The following NRDE2 variants were observed in gnomAD, a reference collection of about 807,000 sequenced individuals.
NRDE2 encodes the protein NRDE-2, necessary for RNA interference, domain containing, also known as nuclear exosome regulator NRDE2.
A neutral mutation model predicts 124.2 loss-of-function variants in NRDE2; 76 were observed. That is an observed-to-expected ratio of 0.61 (90% CI 0.51 to 0.74). NRDE2 has a LOEUF of 0.74. Ranked by LOEUF, NRDE2 falls within the 30% of genes least tolerant of loss-of-function variation. NRDE2 has a pLI of 0.00. For missense variants in NRDE2, 1,314 were observed against 1,417.3 expected (o/e 0.93, Z 1.17); for synonymous variants, 489 against 528.1 (o/e 0.93, Z 1.01).
chr14:90,322,871 T>C (rs1453329736), intron 1 of NRDE2, among the ~76,000 whole-genome samples: 2 of 152,212 alleles, frequency 1.3e-5, no homozygotes, highest in African/African-American at 2.4e-5. Context: ...ATAATTTACA[T>C]ACTTGATAGA....
At chr14:90,296,866 C>G (rs1380590961) in intron 8 of NRDE2, among the ~76,000 whole-genome samples, 1 of 152,004 alleles carries the variant, frequency 6.6e-6, no homozygotes, top group Admixed American at 6.5e-5. Context: ...GGGCTGGGTG[C>G]GGTGGCTCAC....
rs1595083414 is a variant in NRDE2, at chr14:90,331,908, C to T, written c.-4G>A. On this transcript the variant is annotated 5_prime_UTR_variant, in exon 1 of 14. Coordinates refer to ENST00000354366, the MANE Select transcript of NRDE2 (RefSeq NM_017970.4). ...CAAAGGCTGGGAACAGCGCCATGAC[C>T]ACAGGCCGTACCTCCGTTCTTCTCT... 2 of 1,614,106 alleles carry T rather than the reference C, an allele frequency of 1.2e-6. No individual in the cohort carries two copies. The highest frequency in any genetic ancestry group is 1.3e-5 in the African/African-American group (1 of 75,054).
chr14:90,303,777 A>G (rs1348245962), intron 5 of NRDE2, among the ~76,000 whole-genome samples, 158 bp downstream of exon 5: 2 of 152,180 alleles, frequency 1.3e-5, no homozygotes, highest in African/African-American at 2.4e-5. Context: ...TCCTCATTGG[A>G]CTTTGAGCGA....
In NRDE2 at chr14:90,271,723, C is replaced by T. The variant is rs1891668877; in HGVS notation, c.*6613G>A. The T allele has an allele frequency of 6.6e-6, 1 of 152,140 alleles. No individual in the cohort carries two copies. Among genetic ancestry groups the T allele is most frequent in the Non-Finnish European group, 1.5e-5 (1 of 68,036 alleles). 9.4% of individuals were successfully genotyped at this position (152,140 alleles called of 1,614,324 possible). On this transcript the variant is annotated 3_prime_UTR_variant, in exon 14 of 14. Transcript: ENST00000354366. ...TTAGAACCTGAGCCAAAACTAGAACCCACAGCCCTGACCCTTGGGTCAGTC... is the reference window on the plus strand; with the variant it reads ...TTAGAACCTGAGCCAAAACTAGAACTCACAGCCCTGACCCTTGGGTCAGTC...
rs1892192591 is a variant in NRDE2 at position 90,288,922 on chromosome 14, G to C, written c.2453C>G (p.Ser818Cys). Residue 818 changes from serine to cysteine, a missense_variant, in exon 11 of 14, where the codon TCT becomes TGT. Physicochemically the swap from Ser to Cys is moderately radical, Grantham distance 112. Transcript: ENST00000354366. ...GAGCAGACTGAGCTCACAGAGGTCA[G>C]AGTCTTTCAGTTCTCTGCTTCCTGC... ...GMAGSRELKD[S>C]DLCELSLLYA... 1 of 1,613,372 alleles carries C rather than the reference G, an allele frequency of 6.2e-7. No homozygotes were observed.
intron 4 of NRDE2, among the ~76,000 whole-genome samples, chr14:90,308,060 A>G (rs926744135): frequency 1.3e-5 from 2 of 152,204 alleles, no homozygotes; most frequent in African/African-American, 4.8e-5. Context: ...AAATGTTTAC[A>G]TAAGTCCTTA....
chr14:90,319,956 AT>A (rs1885184613), intron 1 of NRDE2, among the ~76,000 whole-genome samples: 1 of 152,198 alleles, frequency 6.6e-6, no homozygotes, highest in Non-Finnish European at 1.5e-5. Flanking sequence ...ATGTATAAGA[AT>A]TCCAGTTTCT....
rs987620572 is a variant in NRDE2 at position 90,275,188 on chromosome 14, C to T, written c.*3148G>A. 1 of 152,154 alleles carries T rather than the reference C, an allele frequency of 6.6e-6. No individual in the cohort carries two copies. Among genetic ancestry groups the T allele is most frequent in the South Asian group, 2.1e-4 (1 of 4,824 alleles). The allele number at this position is 152,154 out of a possible 1,614,324, so 9.4% of individuals were successfully genotyped here. ...CAAAAAGCTTCCAATCAGAAGGAGA[C>T]CAAAGAGATGACAACCAAGTGCAGC... On this transcript the variant is annotated 3_prime_UTR_variant, in exon 14 of 14. Coordinates refer to ENST00000354366, the MANE Select transcript of NRDE2 (RefSeq NM_017970.4).
chr14:90,268,607 G>C lies in NRDE2; in HGVS notation c.*9729C>G. 1 of 585,102 alleles carries C rather than the reference G, an allele frequency of 1.7e-6. No individual in the cohort carries two copies. The highest frequency in any genetic ancestry group is 2.2e-5 in the South Asian group (1 of 45,792). The allele number at this position is 585,102 out of a possible 1,614,324, so 36.2% of individuals were successfully genotyped here. On this transcript the variant is annotated 3_prime_UTR_variant, in exon 14 of 14. Transcript: ENST00000354366. ...CCCAGTAACTGTGAACGTCTGGAGA[G>C]ATTGGTCAGTTATGAATAACCATGT...
intron 12 of NRDE2, among the ~76,000 whole-genome samples, chr14:90,282,258 C>T (rs1891972598): frequency 6.6e-6 from 1 of 152,058 alleles, no homozygotes; most frequent in African/African-American, 2.4e-5. Context: ...GAATGGACTG[C>T]TTGAGCCCAG....
At chr14:90,321,742 A>T (rs1885251638) in intron 1 of NRDE2, among the ~76,000 whole-genome samples, 1 of 152,142 alleles carries the variant, frequency 6.6e-6, no homozygotes, top group Non-Finnish European at 1.5e-5. Context: ...CATGCAGGGA[A>T]TACTAGAAGT....
At chr14:90,291,405 T>TC (rs1892268612) in intron 9 of NRDE2, among the ~76,000 whole-genome samples, 1 of 152,270 alleles carries the variant, frequency 6.6e-6, no homozygotes, top group African/African-American at 2.4e-5. Flanking sequence ...AAAGCTTTTC[T>TC]CCCCCAGGCT....
Position 90,290,450 on chromosome 14 carries a change from A to T in NRDE2, c.2000T>A (p.Phe667Tyr). The change falls in exon 10 of 14, where the codon TTT becomes TAT. Residue 667 changes from phenylalanine to tyrosine, a missense_variant. Physicochemically the swap from Phe to Tyr is conservative, Grantham distance 22 (BLOSUM62 3). Coordinates refer to ENST00000354366, the MANE Select transcript of NRDE2 (RefSeq NM_017970.4). ...LYLAMDENSI[F>Y]DNGLYDEKPL... ...CTTTTCATCATAAAGTCCATTATCA[A>T]AGATGCTGTTCTCATCCATGGCCAG... The T allele has an allele frequency of 6.2e-7, 1 of 1,614,102 alleles. No homozygotes were observed. The highest frequency in any genetic ancestry group is 8.5e-7 in the Non-Finnish European group (1 of 1,180,018).
At position 90,292,854 on chromosome 14, in the gene NRDE2, G is replaced by T; in HGVS notation, c.1685C>A (p.Pro562Gln). 2 of 1,613,784 alleles carry T rather than the reference G, an allele frequency of 1.2e-6. No individual in the cohort carries two copies. Among genetic ancestry groups the T allele is most frequent in the Non-Finnish European group, 1.7e-6 (2 of 1,179,826 alleles). ...TTTTATTTCCTGGTCATCCTCTTCT[G>T]GTTCATCGTCATCCTCATCTAGACA... is the stretch of plus-strand genomic sequence containing the variant. ...VINPDEDDDE[P>Q]EEDDQEIKDK... is the part of the protein sequence containing the mutation. Residue 562 changes from proline to glutamine, a missense_variant, in exon 9 of 14, where the codon CCA (proline) becomes CAA (glutamine). Coordinates refer to ENST00000354366, the MANE Select transcript of NRDE2 (RefSeq NM_017970.4).
rs374168064 is a variant in NRDE2 at position 90,283,712 on chromosome 14, TG to T, written c.3297+2641del. 5.7e-4 allele frequency among the ~76,000 whole-genome samples: 85 copies of T among 147,932 alleles called. 1 individual carries two copies. The highest frequency in any genetic ancestry group is 1.3e-3 in the African/African-American group (53 of 39,654). On this transcript the variant is annotated intron_variant, in intron 12 of 13. Coordinates refer to ENST00000354366, the MANE Select transcript of NRDE2 (RefSeq NM_017970.4). Reference sequence around the variant, plus strand: ...AATGCATAAACTTTTGCAGGTTTTTTGTTTTTTTTTTTTTTGAGACAGAGTC... The same window carrying T: ...AATGCATAAACTTTTGCAGGTTTTTTTTTTTTTTTTTTTTGAGACAGAGTC...
At chr14:90,325,132 T>C (rs1364841806) in intron 1 of NRDE2, among the ~76,000 whole-genome samples, 4 of 152,102 alleles carry the variant, frequency 2.6e-5, no homozygotes, top group African/African-American at 4.8e-5. Flanking sequence ...TAAGTTTTGG[T>C]TTGGGTGAAT....
At position 90,268,392 on chromosome 14, in the gene NRDE2, T is replaced by C; in HGVS notation, c.*9944A>G. On this transcript the variant is annotated 3_prime_UTR_variant, in exon 14 of 14. Transcript: ENST00000354366. ...CCGTCCATCGTGTTTATTGATGAAA[T>C]TGACGCCATTGGGACAAAAAGGTAG... The C allele has an allele frequency of 4.3e-6, 7 of 1,613,668 alleles. No individual in the cohort carries two copies. The highest frequency in any genetic ancestry group is 5.9e-6 in the Non-Finnish European group (7 of 1,179,862).
Position 90,276,155 on chromosome 14 carries a change from G to A in NRDE2, c.*2181C>T, listed in dbSNP as rs2139659398. The A allele has an allele frequency of 6.6e-6, 1 of 150,718 alleles. No individual in the cohort carries two copies. Among genetic ancestry groups the A allele is most frequent in the Non-Finnish European group, 1.5e-5 (1 of 67,794 alleles). The allele number at this position is 150,718 out of a possible 1,614,324, so 9.3% of individuals were successfully genotyped here. Reference sequence around the variant, plus strand: ...CCCTTCTCAGCCCTCCAAGCTGACGGTTAGTCTTGGGAGGCACGTAGTCAT... The same window carrying A: ...CCCTTCTCAGCCCTCCAAGCTGACGATTAGTCTTGGGAGGCACGTAGTCAT... On this transcript the variant is annotated 3_prime_UTR_variant, in exon 14 of 14. Transcript: ENST00000354366.
At chr14:90,282,604 T>C (rs549293034) in intron 12 of NRDE2, among the ~76,000 whole-genome samples, 8 of 152,332 alleles carry the variant, frequency 5.3e-5, no homozygotes, top group African/African-American at 1.7e-4. Context: ...AAAATTTTAA[T>C]TGCTGTTTGT....
Sources: gnomAD v4.1 joint callset for allele counts (sites outside exome capture counted in the v4.1 genomes callset) on GRCh38, gnomAD v4.1.1 for gene constraint, MANE v1.5 for transcripts, NCBI Gene and HGNC (gene_info 2026-07-23, HGNC 2026-07-21) for gene names.